Variants in RBMS3 observed in about 807,000 individuals in gnomAD.
RBMS3 encodes the protein RNA-binding motif, single-stranded-interacting protein 3.
RBMS3 carries 27 observed loss-of-function variants against 66.8 expected under a neutral mutation model. The observed-to-expected ratio is 0.40, with a 90% CI of 0.30 to 0.56. The LOEUF is 0.56. Ranked by LOEUF, RBMS3 falls within the 20% of genes least tolerant of loss-of-function variation. The pLI is 0.40. For missense variants in RBMS3, 513 were observed against 549.5 expected, an observed-to-expected ratio of 0.93 and a Z score of 0.66; for synonymous variants, 188 against 183.0, an observed-to-expected ratio of 1.03 and a Z score of -0.22.
At chr3:29,603,401 A>C (rs925864373) in intron 4 of RBMS3, among the ~76,000 whole-genome samples, 3 of 152,008 alleles carry the variant, frequency 2.0e-5, no homozygotes, top group Non-Finnish European at 4.4e-5. Context: ...TCCTTTTATA[A>C]CAAGGTTGAA....
chr3:29,850,711 C>T (rs1576991524), intron 6 of RBMS3, among the ~76,000 whole-genome samples: 1 of 152,226 alleles, frequency 6.6e-6, no homozygotes, highest in South Asian at 2.1e-4. Flanking sequence ...AAATAAAACC[C>T]AGATCTTTAG....
intron 4 of RBMS3, chr3:29,698,137 T>TA (rs1232771713): frequency 3.3e-6 from 3 of 899,758 alleles, no homozygotes; most frequent in Non-Finnish European, 4.0e-6. Context: ...TGGCTGTGCC[T>TA]ACATTCCAGT....
intron 1 of RBMS3, among the ~76,000 whole-genome samples, chr3:29,349,122 A>G (rs2125554234): frequency 6.6e-6 from 1 of 152,222 alleles, no homozygotes; most frequent in Admixed American, 6.5e-5. Flanking sequence ...TGAGGCCTTT[A>G]CTGTGGATGT....
chr3:29,630,510 C>T (rs2049245954), intron 4 of RBMS3, among the ~76,000 whole-genome samples: 1 of 151,778 alleles, frequency 6.6e-6, no homozygotes, highest in South Asian at 2.1e-4. Context: ...TGTTGATTGC[C>T]ACAAAAATTA....
intron 4 of RBMS3, among the ~76,000 whole-genome samples, chr3:29,661,104 G>A (rs958458834): frequency 6.6e-6 from 1 of 152,164 alleles, no homozygotes; most frequent in Non-Finnish European, 1.5e-5. Context: ...GGAATGGGTA[G>A]CTGCTATTGA....
At chr3:29,715,104 G>C (rs1404628983) in intron 4 of RBMS3, among the ~76,000 whole-genome samples, 1 of 152,042 alleles carries the variant, frequency 6.6e-6, no homozygotes, top group Non-Finnish European at 1.5e-5. Flanking sequence ...TTGAAATTAT[G>C]GTTTGAAGAT....
At chr3:29,485,130 A>G (rs1420578181) in intron 2 of RBMS3, among the ~76,000 whole-genome samples, 2 of 152,180 alleles carry the variant, frequency 1.3e-5, no homozygotes, top group African/African-American at 4.8e-5. Flanking sequence ...ATTAGTTTAA[A>G]TTAGGCTTGT....
intron 10 of RBMS3, among the ~76,000 whole-genome samples, chr3:29,911,258 G>T (rs1275804812): frequency 1.3e-5 from 2 of 152,020 alleles, no homozygotes; most frequent in African/African-American, 4.8e-5. Flanking sequence ...GCAGGGTTTT[G>T]GTCCTATTCA....
chr3:29,892,116 C>T (rs1430333758), intron 8 of RBMS3, among the ~76,000 whole-genome samples: 1 of 151,470 alleles, frequency 6.6e-6, no homozygotes, highest in African/African-American at 2.4e-5. Flanking sequence ...AAATAATGTC[C>T]TATTAGTGAC....
At chr3:29,362,786 A>G (rs1372748945) in intron 1 of RBMS3, among the ~76,000 whole-genome samples, 1 of 152,198 alleles carries the variant, frequency 6.6e-6, no homozygotes, top group African/African-American at 2.4e-5. Context: ...TTTTAGGAGT[A>G]ATTTTGACTA....
At chr3:29,311,227 T>C (rs540439300) in intron 1 of RBMS3, among the ~76,000 whole-genome samples, 84 of 151,910 alleles carry the variant, frequency 5.5e-4, no homozygotes, top group Non-Finnish European at 1.0e-3. Context: ...GTTCTCTTAT[T>C]ATCTCCGGAG....
At chr3:29,936,441 T>C (rs2149689286) in intron 11 of RBMS3, among the ~76,000 whole-genome samples, 1 of 152,244 alleles carries the variant, frequency 6.6e-6, no homozygotes, top group Admixed American at 6.5e-5. Flanking sequence ...TATGGTACAA[T>C]GTACCAGATG....
intron 6 of RBMS3, among the ~76,000 whole-genome samples, chr3:29,773,172 C>T (rs1481102497): frequency 6.6e-6 from 1 of 151,892 alleles, no homozygotes; most frequent in Non-Finnish European, 1.5e-5. Context: ...ATGATTATAT[C>T]TCAAGCATAG....
rs1404854681 is a variant in RBMS3, at chr3:30,005,328, G to T, written c.*1466G>T. 1 of 151,814 alleles carries T rather than the reference G, an allele frequency of 6.6e-6. No individual in the cohort carries two copies. The highest frequency in any genetic ancestry group is 2.4e-5 in the African/African-American group (1 of 41,382). The allele number at this position is 151,814 out of a possible 1,614,324, so 9.4% of individuals were successfully genotyped here. On this transcript the variant is annotated 3_prime_UTR_variant, in exon 15 of 15. Coordinates refer to ENST00000383767, the MANE Select transcript of RBMS3 (RefSeq NM_001003793.3). ...TTCTGGATATGAACTGATTCATAGA[G>T]CCAAGTGGCTTTAAATTCTGTGAGC...
intron 10 of RBMS3, among the ~76,000 whole-genome samples, chr3:29,912,743 T>A (rs1184100378): frequency 1.3e-5 from 2 of 152,060 alleles, no homozygotes; most frequent in Non-Finnish European, 2.9e-5. Flanking sequence ...TCTTATAACC[T>A]ATCTTGATAT....
At chr3:29,423,844 A>C (rs1312526248) in intron 1 of RBMS3, among the ~76,000 whole-genome samples, 2 of 152,206 alleles carry the variant, frequency 1.3e-5, no homozygotes, top group Non-Finnish European at 1.5e-5. Context: ...ATTTATATTT[A>C]AACCTGGAGT....
chr3:29,890,715 CTATAAGA>C (rs1360286005), intron 8 of RBMS3, among the ~76,000 whole-genome samples: 1 of 151,416 alleles, frequency 6.6e-6, no homozygotes, highest in Non-Finnish European at 1.5e-5. Context: ...CCACAAAGTA[CTATAAGA>C]TATATGTATA....
At chr3:29,768,914 GC>G (rs2056055787) in intron 6 of RBMS3, among the ~76,000 whole-genome samples, 2 of 151,812 alleles carry the variant, frequency 1.3e-5, no homozygotes, top group South Asian at 4.1e-4. Context: ...CTTGTCCCTT[GC>G]TCTGATTTTG....
chr3:29,602,548 G>A (rs561296262), intron 4 of RBMS3, among the ~76,000 whole-genome samples: 1 of 152,084 alleles, frequency 6.6e-6, no homozygotes, highest in African/African-American at 2.4e-5. Context: ...GTTGAAGAAT[G>A]TAACCATAAT....
Sources: allele counts gnomAD v4.1 joint callset (sites outside exome capture counted in the v4.1 genomes callset), GRCh38; gene constraint gnomAD v4.1.1; transcripts MANE v1.5; gene names NCBI Gene and HGNC (gene_info 2026-07-23, HGNC 2026-07-21).